EPHA6: variants seen among roughly 807,000 people sequenced by gnomAD.
The protein encoded by EPHA6 is EPH receptor A6.
Under a neutral mutation model 112.0 loss-of-function variants are expected in EPHA6, and 50 were observed. That is an observed-to-expected ratio of 0.45 (90% confidence interval 0.36 to 0.56). EPHA6 has a LOEUF of 0.56. EPHA6 is among the 20% of genes least tolerant of loss of function. The pLI, the probability that EPHA6 is intolerant of heterozygous loss-of-function variation, is 0.00. For missense variants in EPHA6, 1,280 were observed against 1,417.4 expected, an observed-to-expected ratio of 0.90 and a Z score of 1.56; for synonymous variants, 529 against 490.7, an observed-to-expected ratio of 1.08 and a Z score of -1.03.
intron 2 of EPHA6, among the ~76,000 whole-genome samples, chr3:96,919,881 C>T (rs1476367205): frequency 6.6e-5 from 10 of 151,772 alleles, no homozygotes. Flanking sequence ...TTTTTTAGAG[C>T]ATATCTCAAA....
chr3:97,388,727 T>A (rs116021265), intron 5 of EPHA6, among the ~76,000 whole-genome samples: 113 of 152,278 alleles, frequency 7.4e-4, no homozygotes, highest in Non-Finnish European at 1.4e-3. Context: ...TTCAGGCAGA[T>A]AAAGGAAGTT....
chr3:96,816,595 A>T (rs1367502258), intron 1 of EPHA6, among the ~76,000 whole-genome samples: 2 of 152,150 alleles, frequency 1.3e-5, no homozygotes, highest in African/African-American at 4.8e-5. Context: ...GATACTAGAG[A>T]TGAATACTTT....
rs1159812133 is a variant in EPHA6 at position 96,914,029 on chromosome 3, CG to C, written c.450+47141del. 3.9e-5 allele frequency among the ~76,000 whole-genome samples: 6 copies of C among 152,042 alleles called. No homozygotes were observed. In the East Asian group the frequency reaches 1.2e-3, roughly 29 times the overall value. On this transcript the variant is annotated intron_variant, in intron 2 of 17. Transcript: ENST00000389672. ...TCAACAATGTTAAATATGCGCCTAA[CG>C]ATATGAATTTCTCTTATTACAACTT...
chr3:97,220,318 G>A (rs2078155556), intron 3 of EPHA6, among the ~76,000 whole-genome samples: 1 of 151,974 alleles, frequency 6.6e-6, no homozygotes, highest in Non-Finnish European at 1.5e-5. Flanking sequence ...TCCAACTTTT[G>A]CCTGTTACCC....
intron 13 of EPHA6, among the ~76,000 whole-genome samples, chr3:97,624,242 T>A (rs1316967320): frequency 6.6e-6 from 1 of 151,694 alleles, no homozygotes; most frequent in Admixed American, 6.6e-5. Context: ...AGTGTTTTTA[T>A]CGTGAAACTG....
intron 5 of EPHA6, among the ~76,000 whole-genome samples, chr3:97,324,650 T>G (rs1435214099): frequency 6.6e-6 from 1 of 151,926 alleles, no homozygotes; most frequent in Non-Finnish European, 1.5e-5. Flanking sequence ...GCAGTTCTCC[T>G]GCCTCAGCCT....
chr3:97,403,925 T>A (rs1390629592), intron 5 of EPHA6, among the ~76,000 whole-genome samples: 1 of 152,196 alleles, frequency 6.6e-6, no homozygotes, highest in Non-Finnish European at 1.5e-5. Flanking sequence ...ACAGCTTTTT[T>A]ATGCATTTTT....
intron 11 of EPHA6, among the ~76,000 whole-genome samples, chr3:97,560,254 A>T (rs1016362941): frequency 6.6e-6 from 1 of 152,004 alleles, no homozygotes; most frequent in African/African-American, 2.4e-5. Context: ...ATAATCATGC[A>T]AAGTGCCCTG....
At chr3:97,085,607 T>G (rs1429715174) in intron 3 of EPHA6, among the ~76,000 whole-genome samples, 1 of 151,892 alleles carries the variant, frequency 6.6e-6, no homozygotes, top group East Asian at 1.9e-4. Flanking sequence ...AGATTCACCT[T>G]TAACTTATAG....
chr3:96,929,116 C>A (rs1475054053), intron 2 of EPHA6, among the ~76,000 whole-genome samples: 2 of 152,180 alleles, frequency 1.3e-5, no homozygotes, highest in Non-Finnish European at 2.9e-5. Context: ...TATCCAACAG[C>A]CTGAGCTGTA....
intron 12 of EPHA6, among the ~76,000 whole-genome samples, chr3:97,596,952 C>G (rs1251059478): frequency 7.6e-6 from 1 of 132,080 alleles, no homozygotes; most frequent in African/African-American, 3.1e-5. Context: ...GAGATATATA[C>G]AGAGAGATAG....
chr3:96,939,554 A>G (rs1226756881), intron 2 of EPHA6, among the ~76,000 whole-genome samples: 1 of 152,122 alleles, frequency 6.6e-6, no homozygotes, highest in Non-Finnish European at 1.5e-5. Context: ...TCAAAAAACC[A>G]GCTCCTGGAT....
At chr3:97,261,908 A>G (rs2079516244) in intron 5 of EPHA6, among the ~76,000 whole-genome samples, 1 of 152,176 alleles carries the variant, frequency 6.6e-6, no homozygotes, top group Non-Finnish European at 1.5e-5. Flanking sequence ...ACAAATTAGA[A>G]TTTATAAGCA....
At chr3:97,402,648 G>C (rs1249594803) in intron 5 of EPHA6, among the ~76,000 whole-genome samples, 5 of 151,894 alleles carry the variant, frequency 3.3e-5, no homozygotes, top group Admixed American at 2.0e-4. Context: ...TTATCTGAGT[G>C]CTTTTTCTTA....
chr3:97,010,372 A>G (rs2044041259), intron 3 of EPHA6, among the ~76,000 whole-genome samples: 2 of 152,322 alleles, frequency 1.3e-5, no homozygotes, highest in East Asian at 1.9e-4. Context: ...CTTTCAAGCT[A>G]TAGTAGTAGG....
chr3:97,009,982 A>G (rs754056653), intron 3 of EPHA6: 163 of 742,640 alleles, frequency 2.2e-4, no homozygotes, highest in Non-Finnish European at 2.7e-4. Flanking sequence ...CATGCTTATC[A>G]TTGTTTTTTT....
intron 10 of EPHA6, among the ~76,000 whole-genome samples, chr3:97,512,825 A>G (rs2092388772): frequency 6.6e-6 from 1 of 152,166 alleles, no homozygotes; most frequent in Non-Finnish European, 1.5e-5. Flanking sequence ...TCGGCCTCCG[A>G]AAGTGCTGGG....
At chr3:97,298,824 G>A (rs2080976873) in intron 5 of EPHA6, among the ~76,000 whole-genome samples, 2 of 151,742 alleles carry the variant, frequency 1.3e-5, no homozygotes, top group African/African-American at 4.8e-5. Context: ...ATAAATAAAA[G>A]TGTAACCACT....
intron 6 of EPHA6, among the ~76,000 whole-genome samples, chr3:97,422,137 CAAAAAAA>C (rs34312259): frequency 1.9e-5 from 2 of 103,432 alleles, no homozygotes; most frequent in African/African-American, 3.2e-5. Flanking sequence ...AATAGTCTCT[CAAAAAAA>C]AAAAAAAAAA....
Sources: gnomAD v4.1 joint callset for allele counts (sites outside exome capture counted in the v4.1 genomes callset) on GRCh38, gnomAD v4.1.1 for gene constraint, MANE v1.5 for transcripts, NCBI Gene and HGNC (gene_info 2026-07-23, HGNC 2026-07-21) for gene names.